TNNI3K: variants seen among roughly 807,000 people sequenced by gnomAD.
TNNI3K encodes the protein serine/threonine-protein kinase TNNI3K.
Under a neutral mutation model 114.5 loss-of-function variants are expected in TNNI3K, and 140 were observed. The observed-to-expected ratio is 1.22, with a 90% CI of 1.07 to 1.41. The LOEUF (loss-of-function observed/expected upper bound fraction) is 1.41. TNNI3K is among the 40% of genes most tolerant of loss of function. The pLI, the probability that TNNI3K is intolerant of heterozygous loss-of-function variation, is 0.00. For missense variants in TNNI3K, 1,125 were observed against 1,007.6 expected (o/e 1.12, Z -1.58); for synonymous variants, 347 against 347.5 (o/e 1.00, Z 0.02).
intron 16 of TNNI3K, chr1:74,370,007 T>G (rs1000279829): frequency 1.6e-5 from 4 of 245,450 alleles, no homozygotes; most frequent in African/African-American, 8.9e-5. Context: ...TAAAATAGAT[T>G]TCATTTTACA....
At chr1:74,418,330 T>C (rs1220218280) in intron 17 of TNNI3K, 1 of 195,848 alleles carries the variant, frequency 5.1e-6, no homozygotes, top group East Asian at 1.6e-4. Context: ...GACTCTGAAA[T>C]AAAAAAGAGA....
At chr1:74,400,231 G>A (rs1357509039) in intron 17 of TNNI3K, among the ~76,000 whole-genome samples, 1 of 152,170 alleles carries the variant, frequency 6.6e-6, no homozygotes, top group Non-Finnish European at 1.5e-5. Flanking sequence ...GGGATGGTTA[G>A]CTTTTAGGCT....
chr1:74,416,663 GA>G, intron 17 of TNNI3K: 1 of 687,326 alleles, frequency 1.5e-6, no homozygotes, highest in Non-Finnish European at 1.8e-6. Flanking sequence ...AATTTTAATT[GA>G]TTTTTTTTCT....
At chr1:74,403,263 A>C (rs754469539) in intron 17 of TNNI3K, among the ~76,000 whole-genome samples, 18 of 152,162 alleles carry the variant, frequency 1.2e-4, no homozygotes, top group Non-Finnish European at 2.1e-4. Flanking sequence ...CCTTCAAAAA[A>C]TATTTTATAC....
chr1:74,314,026 G>A (rs1184430047), intron 5 of TNNI3K, among the ~76,000 whole-genome samples: 2 of 147,252 alleles, frequency 1.4e-5, no homozygotes, highest in Non-Finnish European at 3.0e-5. Flanking sequence ...CCTCAGGGAA[G>A]CTGACAGGAG....
At chr1:74,325,651 C>A (rs905023086) in intron 5 of TNNI3K, among the ~76,000 whole-genome samples, 1 of 152,026 alleles carries the variant, frequency 6.6e-6, no homozygotes, top group African/African-American at 2.4e-5. Context: ...GTGGTGAGTT[C>A]TAAAGACAGA....
chr1:74,236,182 G>T lies in TNNI3K; in HGVS notation c.121G>T (p.Glu41Ter), dbSNP rs774789454. ...LEDDLQIKEK[E>*]LTELRNIFGS... ...AGATGACCTGCAGATCAAGGAAAAA[G>T]AACTGACAGAACTAAGGAATATATT... is the stretch of plus-strand genomic sequence containing the variant. The change falls in exon 2 of 25, where the codon GAA becomes TAA. Residue 41 changes from glutamate to a stop codon, truncating the protein, a stop_gained. Transcript: ENST00000326637. LOFTEE classifies it high-confidence loss of function. 1 of 1,607,100 alleles carries T rather than the reference G, an allele frequency of 6.2e-7. No individual in the cohort carries two copies. Among genetic ancestry groups the T allele is most frequent in the South Asian group, 1.1e-5 (1 of 90,726 alleles).
intron 17 of TNNI3K, among the ~76,000 whole-genome samples, chr1:74,403,741 A>G (rs1664481725): frequency 6.6e-6 from 1 of 152,308 alleles, no homozygotes; most frequent in East Asian, 1.9e-4. Flanking sequence ...GGCATCATGT[A>G]TGCAAACTCA....
intron 22 of TNNI3K, among the ~76,000 whole-genome samples, chr1:74,490,253 A>C (rs1039245934): frequency 1.3e-5 from 2 of 152,106 alleles, no homozygotes; most frequent in Non-Finnish European, 2.9e-5. Context: ...CAGTACTGGG[A>C]CTTACAGAAA....
intron 21 of TNNI3K, among the ~76,000 whole-genome samples, chr1:74,482,918 T>A (rs1668576002): frequency 1.3e-5 from 2 of 152,182 alleles, no homozygotes; most frequent in African/African-American, 4.8e-5. Flanking sequence ...TCTGATTCAT[T>A]GATATTTCTT....
chr1:74,301,062 A>G (rs1658301026), intron 5 of TNNI3K, among the ~76,000 whole-genome samples: 2 of 152,288 alleles, frequency 1.3e-5, no homozygotes, highest in East Asian at 1.9e-4. Context: ...GGATATGACT[A>G]TGTATAAAAT....
At chr1:74,527,046 C>T (rs959117396) in intron 23 of TNNI3K, among the ~76,000 whole-genome samples, 9 of 152,200 alleles carry the variant, frequency 5.9e-5, no homozygotes, top group African/African-American at 1.9e-4. Context: ...CCTGCCTGCT[C>T]TAAAAGCATA....
intron 20 of TNNI3K, among the ~76,000 whole-genome samples, chr1:74,455,544 CAT>C (rs1667193405): frequency 6.6e-6 from 1 of 152,142 alleles, no homozygotes; most frequent in Non-Finnish European, 1.5e-5. Flanking sequence ...GTAATTGACT[CAT>C]ATGATTATGA....
chr1:74,469,958 CTTCATTTA>C (rs1667843859), intron 21 of TNNI3K: 1 of 400,556 alleles, frequency 2.5e-6, no homozygotes, highest in Non-Finnish European at 4.4e-6. Flanking sequence ...GAGTTTTCAG[CTTCATTTA>C]TTCTGCTAGG....
chr1:74,416,324 C>T, intron 17 of TNNI3K: 4 of 985,274 alleles, frequency 4.1e-6, no homozygotes, highest in Non-Finnish European at 4.8e-6. Context: ...CAAAAAGGGA[C>T]CTTAGTGACG....
chr1:74,294,377 T>C (rs978982025), intron 5 of TNNI3K, among the ~76,000 whole-genome samples: 8 of 152,032 alleles, frequency 5.3e-5, no homozygotes, highest in Admixed American at 2.0e-4. Flanking sequence ...GGAAATGTGT[T>C]CAAATTATGA....
chr1:74,356,662 A>G (rs1661673710), intron 11 of TNNI3K, among the ~76,000 whole-genome samples: 1 of 152,130 alleles, frequency 6.6e-6, no homozygotes, highest in Non-Finnish European at 1.5e-5. Context: ...GTTTGTTTTT[A>G]GCTGATTGAG....
chr1:74,352,575 A>G (rs1456108569), intron 9 of TNNI3K, among the ~76,000 whole-genome samples: 7 of 152,222 alleles, frequency 4.6e-5, no homozygotes, highest in Admixed American at 3.9e-4. Context: ...GGTGGAGCCT[A>G]CAGAGGCAGG....
chr1:74,322,817 C>G (rs1659694227), intron 5 of TNNI3K, among the ~76,000 whole-genome samples: 1 of 152,086 alleles, frequency 6.6e-6, no homozygotes, highest in Non-Finnish European at 1.5e-5. Flanking sequence ...ACTACCTCAG[C>G]TCATTTTATT....
Sources: allele counts gnomAD v4.1 joint callset (sites outside exome capture counted in the v4.1 genomes callset), GRCh38; gene constraint gnomAD v4.1.1; transcripts MANE v1.5; gene names NCBI Gene and HGNC (gene_info 2026-07-23, HGNC 2026-07-21).